MAP4K3: variants seen among roughly 807,000 people sequenced by gnomAD.
The protein encoded by MAP4K3 is mitogen-activated protein kinase kinase kinase kinase 3.
Under a neutral mutation model 143.5 loss-of-function variants are expected in MAP4K3, and 94 were observed. The ratio of observed to expected loss-of-function variants is 0.65; its 90% CI spans 0.55 to 0.78. The LOEUF (loss-of-function observed/expected upper bound fraction) is 0.78, where lower values mean the gene tolerates loss of function less well. Among genes scored for constraint, MAP4K3 ranks in the 30% least tolerant of loss-of-function variants. The pLI is 0.00. For missense variants in MAP4K3, 1,077 were observed against 1,068.1 expected (o/e 1.01, Z -0.12); for synonymous variants, 416 against 347.2 (o/e 1.20, Z -2.20).
At chr2:39,302,062 A>G (rs187117876) in intron 15 of MAP4K3, among the ~76,000 whole-genome samples, 48 of 152,122 alleles carry the variant, frequency 3.2e-4, no homozygotes, top group African/African-American at 1.1e-3. Context: ...AAATAAAGAA[A>G]ATAAACTGAG....
intron 6 of MAP4K3, among the ~76,000 whole-genome samples, chr2:39,334,563 G>C (rs1369995872): frequency 6.6e-6 from 1 of 152,172 alleles, no homozygotes; most frequent in African/African-American, 2.4e-5. Context: ...AAGAGACTAG[G>C]AGCAGGGATT....
At chr2:39,279,390 T>C (rs181371412) in intron 23 of MAP4K3, among the ~76,000 whole-genome samples, 466 of 152,292 alleles carry the variant, frequency 3.1e-3, no homozygotes, top group Non-Finnish European at 4.8e-3. Context: ...AGTGCCAATT[T>C]CCTTGCCTAT....
chr2:39,412,405 T>C (rs1202449983), intron 1 of MAP4K3, among the ~76,000 whole-genome samples: 1 of 152,004 alleles, frequency 6.6e-6, no homozygotes, highest in East Asian at 1.9e-4. Flanking sequence ...TAACAAGGAA[T>C]AAGACAAAGA....
chr2:39,369,197 T>TTTTG (rs1558670306), intron 2 of MAP4K3, among the ~76,000 whole-genome samples: 1 of 56,296 alleles, frequency 1.8e-5, no homozygotes, highest in African/African-American at 5.2e-5. Context: ...GGGCTAGTTT[T>TTTTG]TTTTTTTGTT....
intron 27 of MAP4K3, 146 bp downstream of exon 27, chr2:39,267,043 C>T: frequency 2.9e-6 from 2 of 689,500 alleles, no homozygotes; most frequent in Non-Finnish European, 5.1e-6. Flanking sequence ...GCTTAGTCTA[C>T]ACAGAGATGA....
Position 39,267,157 on chromosome 2 carries a change from G to C in MAP4K3, c.2032+32C>G, listed in dbSNP as rs763802908. 3.1e-6 allele frequency: 5 copies of C among 1,607,064 alleles called. No individual in the cohort carries two copies. The East Asian group carries it at 8.9e-5, about 29-fold the overall frequency. The stretch of plus-strand genomic sequence containing the variant: ...ATGCCAGATTTTAGGAGGAGTCTCA[G>C]AGAGCTATATGCTATTGGACAGTTT... On this transcript the variant is annotated intron_variant, in intron 27 of 33. Coordinates refer to ENST00000263881, the MANE Select transcript of MAP4K3 (RefSeq NM_003618.4).
chr2:39,288,266 G>C lies in MAP4K3; in HGVS notation c.1329C>G (p.Phe443Leu). The stretch of plus-strand genomic sequence containing the variant: ...CAGTAGAATGCATTTCCTGTGGTAT[G>C]AAGATAGACTTAGGCTGAAATAATA... ...PPLPPKPKSI[F>L]IPQEMHSTED... The change falls in exon 20 of 34, where the codon TTC (phenylalanine) becomes TTG (leucine). Residue 443 changes from phenylalanine (F) to leucine (L), a missense_variant. Coordinates refer to ENST00000263881, the MANE Select transcript of MAP4K3 (RefSeq NM_003618.4). The C allele has an allele frequency of 6.2e-7, 1 of 1,613,802 alleles. No homozygotes were observed. Among genetic ancestry groups the C allele is most frequent in the Non-Finnish European group, 8.5e-7 (1 of 1,179,798 alleles).
In MAP4K3 at chr2:39,250,622, T is replaced by A. The variant is rs1337603908; in HGVS notation, c.2681A>T (p.Tyr894Phe). Reference protein sequence around the residue: ...LYILAGHENSY With the variant: ...LYILAGHENSF ...ACTGTCAAAGCACAACAATTCTCAG[T>A]AACTGTTTTCATGACCCGCCAGGAT... Residue 894 changes from tyrosine to phenylalanine, a missense_variant, in exon 34 of 34, where the codon TAC becomes TTC. Physicochemically the swap from Tyr to Phe is conservative, Grantham distance 22. Around this residue, in one of 2 missense-constraint regions of MAP4K3, gnomAD observed 864 missense variants for 801.2 expected, o/e 1.08. Transcript: ENST00000263881. The A allele has an allele frequency of 1.2e-6, 2 of 1,613,498 alleles. No individual in the cohort carries two copies. Among genetic ancestry groups the A allele is most frequent in the South Asian group, 2.2e-5 (2 of 90,994 alleles).
chr2:39,394,854 A>G (rs1038436899), intron 1 of MAP4K3, among the ~76,000 whole-genome samples: 5 of 152,146 alleles, frequency 3.3e-5, no homozygotes, highest in African/African-American at 1.2e-4. Context: ...TGTCAGTGCT[A>G]TATCCTCCTC....
At chr2:39,423,781 A>G (rs1664966916) in intron 1 of MAP4K3, among the ~76,000 whole-genome samples, 1 of 152,224 alleles carries the variant, frequency 6.6e-6, no homozygotes, top group Admixed American at 6.5e-5. Flanking sequence ...TGGAAGATGA[A>G]TAGATAGAAA....
At chr2:39,415,984 T>A (rs866089075) in intron 1 of MAP4K3, among the ~76,000 whole-genome samples, 834 of 29,902 alleles carry the variant, frequency 0.028, 26 homozygotes, top group Non-Finnish European at 0.035. Flanking sequence ...AAAAAAAATA[T>A]ATATATATAT....
At chr2:39,327,449 A>G (rs1425340293) in intron 8 of MAP4K3, among the ~76,000 whole-genome samples, 4 of 152,178 alleles carry the variant, frequency 2.6e-5, no homozygotes, top group African/African-American at 7.2e-5. Flanking sequence ...TTTGAATTTG[A>G]CTGATTTAAA....
intron 2 of MAP4K3, 63 bp downstream of exon 2, chr2:39,378,003 A>C: frequency 1.1e-6 from 1 of 949,582 alleles, no homozygotes; most frequent in Non-Finnish European, 1.7e-6. Context: ...CATCATTAAA[A>C]TAAGCCTTAA....
chr2:39,263,575 G>C (rs1297016140), intron 28 of MAP4K3, among the ~76,000 whole-genome samples: 2 of 151,900 alleles, frequency 1.3e-5, no homozygotes, highest in African/African-American at 2.4e-5. Context: ...CACCGCGCCC[G>C]GCCCATATAG....
intron 1 of MAP4K3, among the ~76,000 whole-genome samples, chr2:39,385,733 G>A (rs915258026): frequency 6.6e-5 from 10 of 150,772 alleles, no homozygotes; most frequent in African/African-American, 1.7e-4. Context: ...GGGTTCAAGC[G>A]ATTCTCCAGC....
At chr2:39,289,617 T>C (rs1262970695) in intron 19 of MAP4K3, among the ~76,000 whole-genome samples, 2 of 152,228 alleles carry the variant, frequency 1.3e-5, no homozygotes, top group Non-Finnish European at 2.9e-5. Context: ...AAATTAAATA[T>C]CTATGATGAT....
At chr2:39,306,332 CAG>C (rs1175689169) in intron 15 of MAP4K3, among the ~76,000 whole-genome samples, 1 of 152,226 alleles carries the variant, frequency 6.6e-6, no homozygotes, top group Non-Finnish European at 1.5e-5. Context: ...GTGTTTTCTT[CAG>C]ACATTCTATC....
chr2:39,258,603 A>G lies in MAP4K3; in HGVS notation c.2309-16T>C. 5.0e-6 allele frequency: 8 copies of G among 1,592,694 alleles called. No homozygotes were observed. Among genetic ancestry groups the G allele is most frequent in the Non-Finnish European group, 6.9e-6 (8 of 1,161,270 alleles). ...TGTGGGGTATCTACAATACAAACAA[A>G]TTTTGGTAAACCTACAGAAACTGTG... is the stretch of plus-strand genomic sequence containing the variant. On this transcript the variant is annotated splice_polypyrimidine_tract_variant and intron_variant, in intron 29 of 33. Transcript: ENST00000263881.
chr2:39,403,790 C>T (rs1667018758), intron 1 of MAP4K3, among the ~76,000 whole-genome samples: 1 of 151,206 alleles, frequency 6.6e-6, no homozygotes, highest in Non-Finnish European at 1.5e-5. Flanking sequence ...CACCCCTCCC[C>T]TAACCCCAGC....
Sources: gnomAD v4.1 joint callset for allele counts (sites outside exome capture counted in the v4.1 genomes callset) on GRCh38, gnomAD v4.1.1 for gene constraint, gnomAD v4.1.1 regional missense constraint, MANE v1.5 for transcripts, NCBI Gene and HGNC (gene_info 2026-07-23, HGNC 2026-07-21) for gene names.